OCA2: variants seen among roughly 807,000 people sequenced by gnomAD.
The protein encoded by OCA2 is OCA2 melanosomal transmembrane protein.
A neutral mutation model predicts 100.2 loss-of-function variants in OCA2; 77 were observed. The observed-to-expected ratio is 0.77, with a 90% CI of 0.64 to 0.93. The LOEUF is 0.93. Ranked by LOEUF, OCA2 falls within the 40% of genes least tolerant of loss-of-function variation. OCA2 has a pLI of 0.00. For synonymous variants in OCA2, 432 were observed against 439.2 expected, an observed-to-expected ratio of 0.98 and a Z score of 0.21; for missense variants, 1,062 against 1,089.1, an observed-to-expected ratio of 0.98 and a Z score of 0.35.
intron 23 of OCA2, among the ~76,000 whole-genome samples, chr15:27,794,426 C>A (rs867922585): frequency 4.6e-5 from 7 of 152,156 alleles, no homozygotes; most frequent in African/African-American, 1.7e-4. Flanking sequence ...TGGCCTCCCC[C>A]ACTCTGTCAG....
At chr15:28,034,886 A>G (rs1426130560) in intron 2 of OCA2, among the ~76,000 whole-genome samples, 1 of 152,122 alleles carries the variant, frequency 6.6e-6, no homozygotes, top group African/African-American at 2.4e-5. Flanking sequence ...AGTTTTCTAA[A>G]TCATTAAATC....
intron 19 of OCA2, among the ~76,000 whole-genome samples, chr15:27,891,204 T>A (rs2037447121): frequency 6.6e-6 from 1 of 152,156 alleles, no homozygotes; most frequent in South Asian, 2.1e-4. Flanking sequence ...TTAATGGAAG[T>A]GGTATTGTCA....
chr15:27,912,044 ATAAG>A (rs1428403165), intron 19 of OCA2, among the ~76,000 whole-genome samples: 1 of 152,222 alleles, frequency 6.6e-6, no homozygotes, highest in East Asian at 1.9e-4. Flanking sequence ...AATTGAACAA[ATAAG>A]TGAGTATATA....
intron 19 of OCA2, among the ~76,000 whole-genome samples, chr15:27,875,328 C>T (rs1434009141): frequency 6.6e-6 from 1 of 152,154 alleles, no homozygotes; most frequent in Admixed American, 6.5e-5. Flanking sequence ...AACACATCGA[C>T]AGAGTCTATT....
chr15:27,828,056 G>C (rs1328346674), intron 23 of OCA2, among the ~76,000 whole-genome samples: 1 of 152,068 alleles, frequency 6.6e-6, no homozygotes, highest in Non-Finnish European at 1.5e-5. Flanking sequence ...CTTGTGAATG[G>C]CAGAGTAGAA....
chr15:27,920,047 A>G (rs988137475), intron 19 of OCA2, among the ~76,000 whole-genome samples: 5 of 152,302 alleles, frequency 3.3e-5, no homozygotes, highest in South Asian at 2.1e-4. Context: ...AGGCCAGGGA[A>G]AGAGACAAAG....
intron 23 of OCA2, among the ~76,000 whole-genome samples, chr15:27,814,634 T>C (rs981096286): frequency 5.3e-5 from 8 of 152,124 alleles, no homozygotes; most frequent in Admixed American, 3.3e-4. Flanking sequence ...TCCCAACACA[T>C]TGGGAGGCCG....
chr15:27,914,226 C>CTAT (rs1161255130), intron 19 of OCA2, among the ~76,000 whole-genome samples: 1 of 152,030 alleles, frequency 6.6e-6, no homozygotes, highest in East Asian at 1.9e-4. Flanking sequence ...ATAATAAGAG[C>CTAT]TATCTATGAC....
At chr15:27,843,082 T>G (rs781753810) in intron 23 of OCA2, among the ~76,000 whole-genome samples, 8 of 152,306 alleles carry the variant, frequency 5.3e-5, no homozygotes, top group East Asian at 1.9e-4. Context: ...AGGCCTCCCA[T>G]GCCTACTTGT....
At chr15:27,855,998 T>A (rs2035935569) in intron 21 of OCA2, among the ~76,000 whole-genome samples, 1 of 152,156 alleles carries the variant, frequency 6.6e-6, no homozygotes, top group Non-Finnish European at 1.5e-5. Flanking sequence ...GGCGAGAGTG[T>A]GAAACCAGGT....
rs1178573777 is a variant in OCA2, at chr15:28,099,286, T to G, written c.-84A>C. 3.9e-5 allele frequency: 6 copies of G among 152,244 alleles called. No individual in the cohort carries two copies. The highest frequency in any genetic ancestry group is 7.2e-5 in the African/African-American group (3 of 41,434). The allele number at this position is 152,244 out of a possible 1,614,324, so 9.4% of individuals were successfully genotyped here. On this transcript the variant is annotated 5_prime_UTR_variant, in exon 1 of 24. Transcript: ENST00000354638. ...AGGTCCGCACCTCCGCTCTGGATGG[T>G]GAGCGGAGCACAGCCTTCGAAGTAA...
chr15:27,798,695 T>C (rs1012120628), intron 23 of OCA2, among the ~76,000 whole-genome samples: 4 of 152,090 alleles, frequency 2.6e-5, no homozygotes, highest in African/African-American at 4.8e-5. Flanking sequence ...ACCAGGCCCA[T>C]TGAAGATGCC....
chr15:28,022,206 G>A (rs2042615194), intron 6 of OCA2, among the ~76,000 whole-genome samples: 1 of 152,214 alleles, frequency 6.6e-6, no homozygotes, highest in African/African-American at 2.4e-5. Flanking sequence ...AAAGAGACGG[G>A]GGAGGAAAGG....
At chr15:27,795,356 T>G (rs2033283524) in intron 23 of OCA2, among the ~76,000 whole-genome samples, 1 of 152,128 alleles carries the variant, frequency 6.6e-6, no homozygotes, top group Non-Finnish European at 1.5e-5. Context: ...TTTTCAGCCA[T>G]CGAAAGCTCC....
intron 15 of OCA2, among the ~76,000 whole-genome samples, chr15:27,960,616 CTATG>C (rs2040376937): frequency 6.6e-6 from 1 of 151,636 alleles, no homozygotes; most frequent in Non-Finnish European, 1.5e-5. Context: ...ATCTATCTAT[CTATG>C]TATCTATGTA....
chr15:28,085,312 C>G (rs2044759225), intron 1 of OCA2, among the ~76,000 whole-genome samples: 1 of 152,252 alleles, frequency 6.6e-6, no homozygotes, highest in African/African-American at 2.4e-5. Context: ...CCCTTCACTG[C>G]CTGAATCAGC....
chr15:27,814,150 T>G (rs904967015), intron 23 of OCA2, among the ~76,000 whole-genome samples: 1 of 152,206 alleles, frequency 6.6e-6, no homozygotes, highest in Non-Finnish European at 1.5e-5. Flanking sequence ...GTCTGATTTC[T>G]ATTTAACTAT....
the OCA2 span, among the ~76,000 whole-genome samples, chr15:27,730,536 T>C: frequency 6.6e-6 from 1 of 151,918 alleles, no homozygotes; most frequent in Non-Finnish European, 1.5e-5. Flanking sequence ...CCCTCCCCAT[T>C]CCCAAGGTTG....
At position 27,785,197 on chromosome 15, in the gene OCA2, T is replaced by C. The variant is rs112298321; in HGVS notation, c.2433-29725A>G. Among the ~76,000 whole-genome samples the C allele has an allele frequency of 6.0e-3, 917 of 152,056 alleles. 17 individuals are homozygous for C. The highest frequency in any genetic ancestry group is 0.021 in the African/African-American group (853 of 41,460). On this transcript the variant is annotated intron_variant, in intron 23 of 23. Coordinates refer to ENST00000354638, the MANE Select transcript of OCA2 (RefSeq NM_000275.3). ...TTTGGAGTATTAGGAAAAAAATATG[T>C]CAACACAAAATTCTATGCACAGCAA...
Sources: allele counts gnomAD v4.1 joint callset (sites outside exome capture counted in the v4.1 genomes callset), GRCh38; gene constraint gnomAD v4.1.1; transcripts MANE v1.5; gene names NCBI Gene and HGNC (gene_info 2026-07-23, HGNC 2026-07-21).